Variants in SNTG1 observed in about 807,000 individuals in gnomAD.
SNTG1 encodes the protein syntrophin gamma 1, also known as gamma-1-syntrophin.
A neutral mutation model predicts 74.7 loss-of-function variants in SNTG1; 39 were observed. The ratio of observed to expected loss-of-function variants is 0.52; its 90% CI spans 0.40 to 0.68. The LOEUF (loss-of-function observed/expected upper bound fraction) is 0.68, where lower values mean the gene tolerates loss of function less well. Ranked by LOEUF, SNTG1 falls within the 30% of genes least tolerant of loss-of-function variation. The pLI, the probability that SNTG1 is intolerant of heterozygous loss-of-function variation, is 0.00. For missense variants in SNTG1, 685 were observed against 609.5 expected (o/e 1.12, Z -1.30); for synonymous variants, 254 against 217.1 (o/e 1.17, Z -1.49).
chr8:50,348,723 T>G (rs1371146013), intron 2 of SNTG1, among the ~76,000 whole-genome samples: 1 of 152,206 alleles, frequency 6.6e-6, no homozygotes, highest in Admixed American at 6.5e-5. Flanking sequence ...TAAAGTATAA[T>G]AACACTGTAT....
intron 2 of SNTG1, among the ~76,000 whole-genome samples, chr8:50,272,188 G>T (rs1294175760): frequency 6.6e-6 from 1 of 152,142 alleles, no homozygotes; most frequent in Non-Finnish European, 1.5e-5. Context: ...CATCAATTTG[G>T]TAATTATTTG....
chr8:50,477,471 C>T lies in SNTG1; in HGVS notation c.364-25307C>T, dbSNP rs114239994. ...ACTACAAAATACCTGACCAATACAT[C>T]TCAAACAGTTAAGGCCTTCAAAAAA... On this transcript the variant is annotated intron_variant, in intron 8 of 18. Transcript: ENST00000642720. Among the ~76,000 whole-genome samples, 1,343 of 152,148 alleles carry T rather than the reference C, an allele frequency of 8.8e-3. 20 individuals are homozygous for T. The highest frequency in any genetic ancestry group is 0.03 in the African/African-American group (1,266 of 41,510).
chr8:50,081,195 AT>A (rs1277072126), intron 1 of SNTG1, among the ~76,000 whole-genome samples: 1 of 152,070 alleles, frequency 6.6e-6, no homozygotes, highest in African/African-American at 2.4e-5. Flanking sequence ...AAATATTTAT[AT>A]TTTGCCTTCA....
intron 2 of SNTG1, among the ~76,000 whole-genome samples, chr8:50,207,085 T>C (rs1345705403): frequency 6.6e-6 from 1 of 152,196 alleles, no homozygotes; most frequent in African/African-American, 2.4e-5. Context: ...CCTCATAAAA[T>C]GAGTTAGGGA....
intron 2 of SNTG1, among the ~76,000 whole-genome samples, chr8:50,393,796 T>C (rs755948357): frequency 6.6e-6 from 1 of 152,192 alleles, no homozygotes; most frequent in Non-Finnish European, 1.5e-5. Flanking sequence ...GATTAGTCAA[T>C]CTTTTTTCAT....
chr8:50,719,244 G>C (rs1585631591), intron 17 of SNTG1, among the ~76,000 whole-genome samples: 2 of 152,190 alleles, frequency 1.3e-5, no homozygotes. Flanking sequence ...GCATTAGGAG[G>C]AGAGCCTTTC....
At chr8:50,248,832 G>T (rs369901507) in intron 2 of SNTG1, among the ~76,000 whole-genome samples, 1 of 152,246 alleles carries the variant, frequency 6.6e-6, no homozygotes, top group African/African-American at 2.4e-5. Context: ...CATATGCCAG[G>T]TATGTGCTAA....
intron 1 of SNTG1, among the ~76,000 whole-genome samples, chr8:50,025,382 A>T (rs1817178936): frequency 6.6e-6 from 1 of 152,150 alleles, no homozygotes; most frequent in African/African-American, 2.4e-5. Flanking sequence ...TGTGTCTGCC[A>T]AATTATTAAT....
intron 17 of SNTG1, among the ~76,000 whole-genome samples, chr8:50,720,127 A>G (rs988022167): frequency 1.4e-4 from 22 of 152,206 alleles, no homozygotes; most frequent in African/African-American, 5.3e-4. Context: ...CTAAGACTCC[A>G]TAATAACGAC....
chr8:50,567,080 T>G (rs868035101), intron 12 of SNTG1, among the ~76,000 whole-genome samples: 18 of 152,112 alleles, frequency 1.2e-4, no homozygotes, highest in African/African-American at 4.3e-4. Flanking sequence ...GTCTTTGGGA[T>G]TCTCAAGAAT....
intron 9 of SNTG1, among the ~76,000 whole-genome samples, chr8:50,503,486 A>AC (rs1265760345): frequency 3.3e-5 from 5 of 152,216 alleles, no homozygotes; most frequent in African/African-American, 1.2e-4. Context: ...GAAAAGGCAC[A>AC]CATTTGCTTA....
At chr8:50,150,918 G>T (rs181236591) in intron 1 of SNTG1, among the ~76,000 whole-genome samples, 2 of 152,182 alleles carry the variant, frequency 1.3e-5, no homozygotes, top group Non-Finnish European at 1.5e-5. Context: ...GATGATGCTG[G>T]CCTCATAAAA....
intron 13 of SNTG1, among the ~76,000 whole-genome samples, chr8:50,654,584 T>G (rs2131256697): frequency 6.6e-6 from 1 of 152,342 alleles, no homozygotes; most frequent in African/African-American, 2.4e-5. Context: ...TTCTTCATGT[T>G]ATTCTCCTGA....
chr8:50,408,329 T>A (rs755941784), intron 4 of SNTG1, among the ~76,000 whole-genome samples: 1 of 152,154 alleles, frequency 6.6e-6, no homozygotes, highest in Non-Finnish European at 1.5e-5. Flanking sequence ...ATCCCTCCCA[T>A]AGTTATTTTG....
upstream of SNTG1, chr8:49,911,016 C>G (rs953048668): frequency 1.3e-5 from 2 of 152,252 alleles, no homozygotes; most frequent in East Asian, 3.9e-4. Context: ...CTGCAACGAT[C>G]CCGATCCAAT....
chr8:50,552,216 G>A (rs182959126), intron 11 of SNTG1, among the ~76,000 whole-genome samples: 1 of 152,134 alleles, frequency 6.6e-6, no homozygotes, highest in African/African-American at 2.4e-5. Flanking sequence ...ATCCATTTTG[G>A]GATTTTATCT....
intron 11 of SNTG1, among the ~76,000 whole-genome samples, chr8:50,540,607 G>A: frequency 6.6e-6 from 1 of 152,068 alleles, no homozygotes; most frequent in East Asian, 1.9e-4. Context: ...GTCCCACTAT[G>A]ATGGTAGATC....
intron 2 of SNTG1, among the ~76,000 whole-genome samples, chr8:50,380,540 G>A (rs1039095181): frequency 6.6e-6 from 1 of 152,140 alleles, no homozygotes; most frequent in African/African-American, 2.4e-5. Flanking sequence ...AAAGCATTAT[G>A]GAAATTATCA....
chr8:50,517,179 C>T (rs1161763295), intron 9 of SNTG1, among the ~76,000 whole-genome samples: 1 of 152,152 alleles, frequency 6.6e-6, no homozygotes, highest in East Asian at 1.9e-4. Context: ...CCCAGAATTA[C>T]ATATCCAGCC....
Sources: gnomAD v4.1 joint callset for allele counts (sites outside exome capture counted in the v4.1 genomes callset) on GRCh38, gnomAD v4.1.1 for gene constraint, MANE v1.5 for transcripts, NCBI Gene and HGNC (gene_info 2026-07-23, HGNC 2026-07-21) for gene names.